SRCAP: variants seen among roughly 807,000 people sequenced by gnomAD.
SRCAP encodes the protein chromatin remodeling protein SRCAP.
Under a neutral mutation model 263.1 loss-of-function variants are expected in SRCAP, and 46 were observed. The observed-to-expected ratio is 0.17, with a 90% confidence interval of 0.14 to 0.22. SRCAP has a LOEUF of 0.22. Ranked by LOEUF, SRCAP falls within the 10% of genes least tolerant of loss-of-function variation. The pLI is 1.00. For synonymous variants in SRCAP, 1,813 were observed against 1,662.1 expected (o/e 1.09, Z -2.21); for missense variants, 3,695 against 4,181.9 (o/e 0.88, Z 3.21).
Position 30,734,477 on chromosome 16 carries a change from C to A in SRCAP, c.6610-19C>A. The A allele has an allele frequency of 3.1e-6, 5 of 1,613,578 alleles. No individual in the cohort carries two copies. The highest frequency in any genetic ancestry group is 4.2e-6 in the Non-Finnish European group (5 of 1,179,844). Reference sequence around the variant, plus strand: ...AGCATTCTGTTGACTCTGACACTTCCCTCTGTTCTATCCGATAGCAGACCA... The same window carrying A: ...AGCATTCTGTTGACTCTGACACTTCACTCTGTTCTATCCGATAGCAGACCA... On this transcript the variant is annotated intron_variant, in intron 30 of 33. Coordinates refer to ENST00000262518, the MANE Select transcript of SRCAP (RefSeq NM_006662.3).
At position 30,733,035 on chromosome 16, in the gene SRCAP, C is replaced by T. The variant is rs1285130102; in HGVS notation, c.6128-245C>T. 6.6e-6 allele frequency among the ~76,000 whole-genome samples: 1 copy of T among 152,170 alleles called. No individual in the cohort carries two copies. The highest frequency in any genetic ancestry group is 1.5e-5 in the Non-Finnish European group (1 of 68,030). On this transcript the variant is annotated intron_variant, in intron 27 of 33. Coordinates refer to ENST00000262518, the MANE Select transcript of SRCAP (RefSeq NM_006662.3). The surrounding 1 kb of genome is among the most constrained non-coding windows in gnomAD (Gnocchi z 5.3). The stretch of plus-strand genomic sequence containing the variant: ...GTTTTTAGTAGAGACAGGGTCTCAT[C>T]ATGTTGGCCAGGCTGGTCTTGAACT...
Position 30,739,137 on chromosome 16 carries a change from C to T in SRCAP, c.9097C>T (p.Leu3033Phe). ...PVLDRDSTSVLESCGLGRRRQ... is the reference protein window; with the variant it reads ...PVLDRDSTSVFESCGLGRRRQ... ...CTTGGACCGTGACAGCACTTCTGTT[C>T]TCGAGAGCTGTGGATTGGGGAGGCG... The change falls in exon 34 of 34, where the codon CTC becomes TTC. Residue 3033 changes from leucine (L) to phenylalanine (F), a missense_variant. By Grantham distance (22) the Leu-to-Phe change is conservative. Transcript: ENST00000262518. 4 of 1,614,194 alleles carry T rather than the reference C, an allele frequency of 2.5e-6. No homozygotes were observed. The highest frequency in any genetic ancestry group is 3.4e-6 in the Non-Finnish European group (4 of 1,180,026).
chr16:30,700,295 A>G (rs1209868020), intron 2 of SRCAP, among the ~76,000 whole-genome samples: 1 of 152,198 alleles, frequency 6.6e-6, no homozygotes, highest in Non-Finnish European at 1.5e-5. Flanking sequence ...TTAACTTCGT[A>G]ACTTACAAAA....
chr16:30,734,403 C>A (rs2053140007), intron 30 of SRCAP, 93 bp from the exon 31 acceptor site: 1 of 1,555,944 alleles, frequency 6.4e-7, no homozygotes, highest in South Asian at 1.2e-5. Context: ...ACCAGTGGTA[C>A]CCCTGACAGT....
chr16:30,718,609 C>T (rs2052977643), intron 18 of SRCAP, among the ~76,000 whole-genome samples: 1 of 151,222 alleles, frequency 6.6e-6, no homozygotes, highest in South Asian at 2.1e-4. Flanking sequence ...GTAACTGGGA[C>T]TACAGGTGTG....
In SRCAP at chr16:30,739,204, CTGA is replaced by C; in HGVS notation, c.9168_9170del (p.Asp3056del). The C allele has an allele frequency of 1.2e-6, 2 of 1,613,740 alleles. No homozygotes were observed. Among genetic ancestry groups the C allele is most frequent in the East Asian group, 2.2e-5 (1 of 44,872 alleles). The stretch of plus-strand genomic sequence containing the variant: ...CAAGGGGAGAGTGAGGGTAGTTCCT[CTGA>C]TGAGGATGGAAGCCGCCCCCTCACC... On this transcript the variant is annotated inframe_deletion, in exon 34 of 34. Coordinates refer to ENST00000262518, the MANE Select transcript of SRCAP (RefSeq NM_006662.3).
At chr16:30,700,359 C>T (rs745633127) in intron 2 of SRCAP, among the ~76,000 whole-genome samples, 1 of 152,190 alleles carries the variant, frequency 6.6e-6, no homozygotes, top group South Asian at 2.1e-4. Flanking sequence ...TTCTGCATGG[C>T]TATATCCGTT....
Position 30,721,200 on chromosome 16 carries a change from C to G in SRCAP, c.3265C>G (p.Pro1089Ala). ...CTTTGTGTCTGCAGTGTTGCCATCCCCCCTGGGGGTCCTGAGTGGGACCTC... is the reference window on the plus strand; with the variant it reads ...CTTTGTGTCTGCAGTGTTGCCATCCGCCCTGGGGGTCCTGAGTGGGACCTC... ...SGSLPQVLPS[P>A]LGVLSGTSRP... Residue 1089 changes from proline to alanine, a missense_variant, in exon 21 of 34, where the codon CCC (proline) becomes GCC (alanine). Coordinates refer to ENST00000262518, the MANE Select transcript of SRCAP (RefSeq NM_006662.3). 2 of 1,609,158 alleles carry G rather than the reference C, an allele frequency of 1.2e-6. No homozygotes were observed. The highest frequency in any genetic ancestry group is 2.2e-5 in the South Asian group (2 of 90,288).
intron 4 of SRCAP, among the ~76,000 whole-genome samples, chr16:30,705,051 A>C (rs555391544): frequency 9.9e-5 from 15 of 152,040 alleles, no homozygotes; most frequent in Non-Finnish European, 1.8e-4. Context: ...CTGTAATCCC[A>C]GCACTTTGGG....
At chr16:30,714,230 A>T (rs962682225) in intron 16 of SRCAP, among the ~76,000 whole-genome samples, 39 of 151,590 alleles carry the variant, frequency 2.6e-4, no homozygotes, top group African/African-American at 9.2e-4. Flanking sequence ...ACGCCGGGCT[A>T]ATTTTTTGTA....
chr16:30,724,892 T>G lies in SRCAP; in HGVS notation c.5468T>G (p.Leu1823Arg). The change falls in exon 25 of 34, where the codon CTT (leucine) becomes CGT (arginine). Residue 1823 changes from leucine to arginine, a missense_variant. Leu to Arg is a moderately radical substitution (Grantham distance 102, BLOSUM62 -2). This residue lies in a region of SRCAP where 1,347 missense variants were observed against 1,304.4 expected (regional missense o/e 1.03). Coordinates refer to ENST00000262518, the MANE Select transcript of SRCAP (RefSeq NM_006662.3). Reference sequence around the variant, plus strand: ...TCCCCAGCTTCCCAGGCATCTTCCCTTGTGGTTTCGGCATCTGGTGCCGCT... The same window carrying G: ...TCCCCAGCTTCCCAGGCATCTTCCCGTGTGGTTTCGGCATCTGGTGCCGCT... The part of the protein sequence containing the change: ...TQSPASQASS[L>R]VVSASGAAPL... 6.2e-7 allele frequency: 1 copy of G among 1,614,222 alleles called. No homozygotes were observed. Among genetic ancestry groups the G allele is most frequent in the Non-Finnish European group, 8.5e-7 (1 of 1,180,032 alleles).
At position 30,724,096 on chromosome 16, in the gene SRCAP, C is replaced by T. The variant is rs759952417; in HGVS notation, c.4672C>T (p.Pro1558Ser). The change falls in exon 25 of 34, where the codon CCT becomes TCT. Residue 1558 changes from proline (P) to serine (S), a missense_variant. Coordinates refer to ENST00000262518, the MANE Select transcript of SRCAP (RefSeq NM_006662.3). ...GGTGCCAGCTTCGGCTCTGGCCAGT[C>T]CTTTTCCGTCAGCACCAAATCCAGC... ...VLVPASALAS[P>S]FPSAPNPAPA... 4 of 1,613,574 alleles carry T rather than the reference C, an allele frequency of 2.5e-6. No homozygotes were observed. The East Asian group carries it at 6.7e-5, about 27-fold the overall frequency.
chr16:30,712,143 C>T lies in SRCAP; in HGVS notation c.1801C>T (p.Leu601=), dbSNP rs780640044. The T allele has an allele frequency of 1.9e-6, 3 of 1,613,110 alleles. No homozygotes were observed. Among genetic ancestry groups the T allele is most frequent in the Admixed American group, 1.7e-5 (1 of 59,998 alleles). Residue 601 remains leucine (L), a synonymous_variant, in exon 12 of 34, where the codon CTG becomes TTG. Transcript: ENST00000262518. The part of the protein sequence containing the change: ...AESLQPKGYT[L]ATTQVKTPIP... Reference sequence around the variant, plus strand: ...AAGTCTCCAGCCCAAGGGTTACACGCTGGCCACGACCCAGGTATCCCCAGG... The same window carrying T: ...AAGTCTCCAGCCCAAGGGTTACACGTTGGCCACGACCCAGGTATCCCCAGG...
intron 3 of SRCAP, chr16:30,701,481 C>G (rs1178083190): frequency 6.6e-6 from 1 of 152,056 alleles, no homozygotes; most frequent in Non-Finnish European, 1.5e-5. Context: ...TATAGTTTTC[C>G]TGAGAAACTG....
intron 9 of SRCAP, 63 bp downstream of exon 9, chr16:30,710,910 C>T: frequency 6.3e-7 from 1 of 1,599,352 alleles, no homozygotes; most frequent in East Asian, 2.2e-5. Context: ...TGGACCTAAC[C>T]TTTCAGGCTT....
At position 30,722,755 on chromosome 16, in the gene SRCAP, C is replaced by T. The variant is rs199730997; in HGVS notation, c.3892+7C>T. The T allele has an allele frequency of 1.2e-6, 2 of 1,605,134 alleles. No individual in the cohort carries two copies. The highest frequency in any genetic ancestry group is 1.7e-5 in the Admixed American group (1 of 59,508). ...CCGCTTGCTGCTAACCAGGGTGAGG[C>T]TCCTGGCCTTCCTACTTAGCCCTTG... On this transcript the variant is annotated splice_region_variant and intron_variant, in intron 23 of 33. Coordinates refer to ENST00000262518, the MANE Select transcript of SRCAP (RefSeq NM_006662.3).
chr16:30,736,701 C>T (rs368881836), intron 33 of SRCAP, 77 bp downstream of exon 33: 3 of 1,485,882 alleles, frequency 2.0e-6, no homozygotes, highest in Non-Finnish European at 2.8e-6. Context: ...TTGAGACAGT[C>T]TCGCTCTGTC....
At chr16:30,728,584 T>A (rs1247809390) in intron 25 of SRCAP, among the ~76,000 whole-genome samples, 1 of 152,236 alleles carries the variant, frequency 6.6e-6, no homozygotes, top group Non-Finnish European at 1.5e-5. Flanking sequence ...TGAAGAAGGC[T>A]ATAGTCCTGG....
chr16:30,707,411 C>T (rs1247731647), intron 5 of SRCAP, 43 bp downstream of exon 5: 1 of 1,607,140 alleles, frequency 6.2e-7, no homozygotes, highest in Non-Finnish European at 8.5e-7. Flanking sequence ...CTTTTCAGGT[C>T]TGTTCCTTCC....
Sources: gnomAD v4.1 joint callset for allele counts (sites outside exome capture counted in the v4.1 genomes callset) on GRCh38, gnomAD v4.1.1 for gene constraint, gnomAD v4.1.1 regional missense constraint, Gnocchi (gnomAD v3.1) non-coding constraint, MANE v1.5 for transcripts, NCBI Gene and HGNC (gene_info 2026-07-23, HGNC 2026-07-21) for gene names.